NALCN: variants seen among roughly 807,000 people sequenced by gnomAD.
NALCN encodes the protein sodium leak channel NALCN.
In NALCN, 111 loss-of-function variants were observed where a neutral mutation model predicts 225.3. The observed-to-expected ratio is 0.49, with a 90% CI of 0.42 to 0.58. The LOEUF (loss-of-function observed/expected upper bound fraction) is 0.58, where lower values mean the gene tolerates loss of function less well. NALCN is among the 20% of genes least tolerant of loss of function. The pLI is 0.00. For missense variants in NALCN, 1,378 were observed against 2,202.4 expected, an observed-to-expected ratio of 0.63 and a Z score of 7.49; for synonymous variants, 764 against 769.0, an observed-to-expected ratio of 0.99 and a Z score of 0.11.
At position 101,300,180 on chromosome 13, in the gene NALCN, G is replaced by A. The variant is rs558236095; in HGVS notation, c.800-7814C>T. On this transcript the variant is annotated intron_variant, in intron 7 of 43. Coordinates refer to ENST00000251127, the MANE Select transcript of NALCN (RefSeq NM_052867.4). ...CAGCAAGAAAGGTGCATCCTGAATT[G>A]CAGAGATTTACTAAACGATAAAGCA... Among the ~76,000 whole-genome samples, 12 of 152,220 alleles carry A rather than the reference G, an allele frequency of 7.9e-5. No individual in the cohort carries two copies. The South Asian group carries it at 1.7e-3, about 21-fold the overall frequency.
chr13:101,107,870 CTAA>C (rs2035220894), intron 20 of NALCN, 81 bp from the exon 21 acceptor site: 15 of 892,218 alleles, frequency 1.7e-5, no homozygotes, highest in Non-Finnish European at 2.3e-5. Flanking sequence ...AAACTTAAAA[CTAA>C]TATCTCCCTC....
At chr13:101,181,699 G>A (rs914402456) in intron 14 of NALCN, among the ~76,000 whole-genome samples, 3 of 152,080 alleles carry the variant, frequency 2.0e-5, no homozygotes, top group Non-Finnish European at 4.4e-5. Flanking sequence ...CTGTGAATGT[G>A]CCACTGCACT....
chr13:101,269,560 C>G (rs1566509586), intron 10 of NALCN, among the ~76,000 whole-genome samples: 1 of 152,152 alleles, frequency 6.6e-6, no homozygotes, highest in African/African-American at 2.4e-5. Context: ...GGTCCCAAGA[C>G]CCTTTCATCC....
chr13:101,095,477 C>T lies in NALCN; in HGVS notation c.3269+97G>A, dbSNP rs539770216. 1.4e-4 allele frequency: 135 copies of T among 943,542 alleles called. 3 individuals are homozygous for T. The South Asian group carries it at 2.0e-3, about 14-fold the overall frequency. The allele number at this position is 943,542 out of a possible 1,614,324, so 58.4% of individuals were successfully genotyped here. ...CTTAAGATCATTTTAACATCTCTAG[C>T]AAAACTACTTTTAGTTACATGCCAT... On this transcript the variant is annotated intron_variant, in intron 28 of 43. Coordinates refer to ENST00000251127, the MANE Select transcript of NALCN (RefSeq NM_052867.4).
chr13:101,113,195 A>T (rs940955239), intron 18 of NALCN, among the ~76,000 whole-genome samples: 2 of 152,230 alleles, frequency 1.3e-5, no homozygotes, highest in East Asian at 1.9e-4. Context: ...TTATTCCATT[A>T]TACAAGGAGA....
chr13:101,336,858 T>C (rs2045394121), intron 7 of NALCN, among the ~76,000 whole-genome samples: 1 of 152,206 alleles, frequency 6.6e-6, no homozygotes, highest in South Asian at 2.1e-4. Context: ...TAGCTATACA[T>C]TACATATAGC....
chr13:101,257,095 G>A (rs767094686), intron 11 of NALCN, among the ~76,000 whole-genome samples: 6 of 151,964 alleles, frequency 3.9e-5, no homozygotes, highest in Non-Finnish European at 7.4e-5. Context: ...TCCATTCATC[G>A]TGTGCTGGAT....
chr13:101,176,716 G>A (rs1313506868), intron 14 of NALCN, among the ~76,000 whole-genome samples: 2 of 152,118 alleles, frequency 1.3e-5, no homozygotes, highest in Admixed American at 6.5e-5. Context: ...AATATACACA[G>A]GTGCTTATTA....
At chr13:101,088,974 T>C (rs563513058) in intron 30 of NALCN, among the ~76,000 whole-genome samples, 40 of 151,030 alleles carry the variant, frequency 2.6e-4, no homozygotes, top group African/African-American at 8.8e-4. Flanking sequence ...CTCGGCTCAC[T>C]GCAACCTCTG....
At chr13:101,410,363 T>C (rs1052718109) in intron 1 of NALCN, among the ~76,000 whole-genome samples, 14 of 152,230 alleles carry the variant, frequency 9.2e-5, no homozygotes, top group Non-Finnish European at 1.5e-4. Flanking sequence ...TCACATTGCA[T>C]AGTCATGGCT....
At chr13:101,112,521 A>G (rs1362407096) in intron 18 of NALCN, among the ~76,000 whole-genome samples, 1 of 152,188 alleles carries the variant, frequency 6.6e-6, no homozygotes, top group African/African-American at 2.4e-5. Flanking sequence ...GGATTAAAAG[A>G]CCTGTGTGCC....
Position 101,062,141 on chromosome 13 carries a change from A to T in NALCN, c.4605-23T>A, listed in dbSNP as rs764697210. On this transcript the variant is annotated intron_variant, in intron 40 of 43. Transcript: ENST00000251127. ...ATGCTGGTGGGAGAAACACACCTGC[A>T]ATCGCAGCTCTGATTCACCTGAGAT... The T allele has an allele frequency of 5.6e-6, 9 of 1,612,554 alleles. No homozygotes were observed. The South Asian group carries it at 9.9e-5, about 18-fold the overall frequency.
chr13:101,413,618 C>T lies in NALCN; in HGVS notation c.-40+2695G>A, dbSNP rs542508324. On this transcript the variant is annotated intron_variant, in intron 1 of 43. Coordinates refer to ENST00000251127, the MANE Select transcript of NALCN (RefSeq NM_052867.4). ...CGATGACAACTACCTGAAGTCAAGC[C>T]CTTAAAAAGACTACAAAAAACACAC... is the stretch of plus-strand genomic sequence containing the variant. Among the ~76,000 whole-genome samples, 10 of 151,936 alleles carry T rather than the reference C, an allele frequency of 6.6e-5. No individual in the cohort carries two copies. The South Asian group carries it at 2.1e-3, about 32-fold the overall frequency.
intron 34 of NALCN, among the ~76,000 whole-genome samples, chr13:101,078,218 GAGTCCACACACA>G (rs2033385799): frequency 2.2e-4 from 3 of 13,572 alleles, no homozygotes; most frequent in Non-Finnish European, 5.9e-4. Context: ...TGTGTGGTTG[GAGTCCACACACA>G]GAGTCCACAC....
At chr13:101,356,018 C>T (rs1462664502) in intron 6 of NALCN, among the ~76,000 whole-genome samples, 7 of 152,066 alleles carry the variant, frequency 4.6e-5, no homozygotes, top group East Asian at 3.9e-4. Flanking sequence ...AAAGAGACAA[C>T]GTACCAGAAT....
At chr13:101,232,735 T>C (rs1472179405) in intron 12 of NALCN, among the ~76,000 whole-genome samples, 1 of 152,130 alleles carries the variant, frequency 6.6e-6, no homozygotes, top group African/African-American at 2.4e-5. Flanking sequence ...TGTGAGCCAC[T>C]GCACCCGGCC....
At chr13:101,153,562 CAA>C (rs2037755997) in intron 15 of NALCN, among the ~76,000 whole-genome samples, 1 of 152,214 alleles carries the variant, frequency 6.6e-6, no homozygotes, top group South Asian at 2.1e-4. Flanking sequence ...GTTGCTTCTT[CAA>C]AGAGATGCTT....
intron 14 of NALCN, among the ~76,000 whole-genome samples, chr13:101,178,893 G>A (rs1176915596): frequency 2.6e-5 from 4 of 152,240 alleles, no homozygotes; most frequent in East Asian, 3.9e-4. Flanking sequence ...TGCAGCCTGC[G>A]TTAGAGCTTT....
chr13:101,154,434 C>T (rs1022501255), intron 15 of NALCN, among the ~76,000 whole-genome samples: 1 of 152,152 alleles, frequency 6.6e-6, no homozygotes, highest in Non-Finnish European at 1.5e-5. Flanking sequence ...AAATTTTATG[C>T]ATCATTTTTA....
Sources: gnomAD v4.1 joint callset for allele counts (sites outside exome capture counted in the v4.1 genomes callset) on GRCh38, gnomAD v4.1.1 for gene constraint, MANE v1.5 for transcripts, NCBI Gene and HGNC (gene_info 2026-07-23, HGNC 2026-07-21) for gene names.